The following WWOX variants were observed in gnomAD, a reference collection of about 807,000 sequenced individuals.
WWOX encodes WW domain containing oxidoreductase.
Under a neutral mutation model 46.2 loss-of-function variants are expected in WWOX, and 69 were observed. The observed-to-expected ratio is 1.49, with a 90% CI of 1.23 to 1.82. WWOX has a LOEUF of 1.82. Ranked by LOEUF, WWOX falls within the 40% of genes most tolerant of loss-of-function variation. The pLI is 0.00. For missense variants in WWOX, 919 were observed against 542.6 expected (o/e 1.69, Z -6.89); for synonymous variants, 359 against 202.6 (o/e 1.77, Z -6.56).
intron 5 of WWOX, among the ~76,000 whole-genome samples, chr16:78,302,222 A>C (rs564750982): frequency 1.3e-5 from 2 of 152,244 alleles, no homozygotes; most frequent in African/African-American, 2.4e-5. Context: ...TGGCCTCCCA[A>C]AGTGCTGGGG....
chr16:78,607,223 C>T (rs953760647), intron 8 of WWOX, among the ~76,000 whole-genome samples: 2 of 151,968 alleles, frequency 1.3e-5, no homozygotes, highest in Admixed American at 6.6e-5. Context: ...ACATTAATTA[C>T]TTTAATAAAG....
At chr16:79,001,270 C>A (rs567227191) in intron 8 of WWOX, among the ~76,000 whole-genome samples, 8 of 152,128 alleles carry the variant, frequency 5.3e-5, no homozygotes, top group African/African-American at 1.7e-4. Flanking sequence ...ACAAAGGCCT[C>A]CCCGCCCCCC....
At chr16:78,995,519 G>A (rs2046972588) in intron 8 of WWOX, among the ~76,000 whole-genome samples, 1 of 152,150 alleles carries the variant, frequency 6.6e-6, no homozygotes, top group Non-Finnish European at 1.5e-5. Context: ...GGAACTTGGA[G>A]AGCATTCTTC....
At chr16:79,095,043 A>G (rs571065099) in intron 8 of WWOX, among the ~76,000 whole-genome samples, 1 of 152,142 alleles carries the variant, frequency 6.6e-6, no homozygotes, top group Admixed American at 6.5e-5. Flanking sequence ...CTGGTCCACA[A>G]ATTGAGGCAA....
At chr16:78,484,965 C>G (rs1400708296) in intron 8 of WWOX, among the ~76,000 whole-genome samples, 1 of 152,084 alleles carries the variant, frequency 6.6e-6, no homozygotes, top group African/African-American at 2.4e-5. Context: ...GCAAGGCACG[C>G]TCTGCTCTGC....
At chr16:78,982,959 C>T (rs976559347) in intron 8 of WWOX, among the ~76,000 whole-genome samples, 12 of 152,092 alleles carry the variant, frequency 7.9e-5, no homozygotes, top group African/African-American at 2.2e-4. Flanking sequence ...AAACTGTTTG[C>T]AATGGGAGAA....
intron 8 of WWOX, among the ~76,000 whole-genome samples, chr16:78,990,201 AAGAGAGAG>A (rs201589748): frequency 1.3e-5 from 2 of 150,044 alleles, no homozygotes; most frequent in African/African-American, 5.0e-5. Flanking sequence ...AAAAAAAAAA[AAGAGAGAG>A]AGGTTGAGCT....
intron 8 of WWOX, among the ~76,000 whole-genome samples, chr16:79,148,720 A>G (rs1357154552): frequency 6.6e-6 from 1 of 152,106 alleles, no homozygotes; most frequent in Non-Finnish European, 1.5e-5. Context: ...ATGGTATGTA[A>G]TTCTATTTAT....
intron 8 of WWOX, among the ~76,000 whole-genome samples, chr16:78,787,352 A>G (rs1471023955): frequency 1.3e-5 from 2 of 152,066 alleles, no homozygotes; most frequent in African/African-American, 4.8e-5. Context: ...GCCCCTCATA[A>G]CCACATCTAC....
At chr16:78,181,079 C>G (rs561054195) in intron 5 of WWOX, among the ~76,000 whole-genome samples, 2 of 151,846 alleles carry the variant, frequency 1.3e-5, no homozygotes, top group Non-Finnish European at 2.9e-5. Flanking sequence ...TGAAGCCTGT[C>G]GAGATAAATG....
intron 8 of WWOX, chr16:78,503,663 A>G (rs1186186186): frequency 6.6e-6 from 1 of 152,142 alleles, no homozygotes; most frequent in African/African-American, 2.4e-5. Context: ...AAACACTTAC[A>G]TGTGTATATG....
chr16:78,702,993 G>T (rs1010047981), intron 8 of WWOX, among the ~76,000 whole-genome samples: 1 of 152,060 alleles, frequency 6.6e-6, no homozygotes, highest in African/African-American at 2.4e-5. Flanking sequence ...ATAACTCTCC[G>T]CTCCCTTTCC....
chr16:79,150,013 C>A (rs183078068), intron 8 of WWOX, among the ~76,000 whole-genome samples: 6 of 152,270 alleles, frequency 3.9e-5, no homozygotes, highest in Admixed American at 3.9e-4. Context: ...TTTATGGGAA[C>A]CTAAGAAGGA....
intron 8 of WWOX, among the ~76,000 whole-genome samples, chr16:79,113,031 G>C (rs551941850): frequency 6.6e-6 from 1 of 152,328 alleles, no homozygotes; most frequent in Admixed American, 6.5e-5. Flanking sequence ...CCAGTGCCAG[G>C]TGCTGAAGAA....
At chr16:79,143,641 A>G (rs954691369) in intron 8 of WWOX, among the ~76,000 whole-genome samples, 1 of 152,156 alleles carries the variant, frequency 6.6e-6, no homozygotes, top group South Asian at 2.1e-4. Flanking sequence ...GTATTCGCCA[A>G]TATGTATAGA....
Position 78,800,544 on chromosome 16 carries a change from T to C in WWOX, c.1056+367792T>C, listed in dbSNP as rs78837703. Among the ~76,000 whole-genome samples, 367 of 152,300 alleles carry C rather than the reference T, an allele frequency of 2.4e-3. 1 individual carries two copies. Among genetic ancestry groups the C allele is most frequent in the Admixed American group, 0.014 (208 of 15,290 alleles). On this transcript the variant is annotated intron_variant, in intron 8 of 8. Transcript: ENST00000566780. ...TAAGCCTATATGGTCATAATTAGCC[T>C]GCAAACGTGAATTAATATGCAGAAT...
chr16:78,659,097 A>AC (rs1326261125), intron 8 of WWOX, among the ~76,000 whole-genome samples: 8 of 150,138 alleles, frequency 5.3e-5, no homozygotes, highest in African/African-American at 1.2e-4. Flanking sequence ...GTCTCAAAAA[A>AC]AAACAAACAA....
At chr16:78,710,382 G>C (rs1329696336) in intron 8 of WWOX, among the ~76,000 whole-genome samples, 2 of 148,944 alleles carry the variant, frequency 1.3e-5, no homozygotes, top group African/African-American at 5.0e-5. Context: ...TAACCCTCCA[G>C]AGCCTTCCGC....
chr16:78,383,295 G>A lies in WWOX; in HGVS notation c.517-3565G>A, dbSNP rs146857392. 2.2e-4 allele frequency among the ~76,000 whole-genome samples: 33 copies of A among 152,202 alleles called. No individual in the cohort carries two copies. In the South Asian group the frequency reaches 3.7e-3, roughly 17 times the overall value. ...TTCAGGTTTTGCCATTGTATTGTAT[G>A]TATGTAAGATGTATATATGGGGGAA... is the stretch of plus-strand genomic sequence containing the variant. On this transcript the variant is annotated intron_variant, in intron 5 of 8. Coordinates refer to ENST00000566780, the MANE Select transcript of WWOX (RefSeq NM_016373.4).
Sources: gnomAD v4.1 joint callset for allele counts (sites outside exome capture counted in the v4.1 genomes callset) on GRCh38, gnomAD v4.1.1 for gene constraint, MANE v1.5 for transcripts, NCBI Gene and HGNC (gene_info 2026-07-23, HGNC 2026-07-21) for gene names.